SP8: variants seen among roughly 807,000 people sequenced by gnomAD.
SP8 encodes transcription factor Sp8.
Under a neutral mutation model 15.3 loss-of-function variants are expected in SP8, and 7 were observed. The observed-to-expected ratio is 0.46, with a 90% CI of 0.26 to 0.86. The LOEUF (loss-of-function observed/expected upper bound fraction) is 0.86. Among genes scored for constraint, SP8 ranks in the 40% least tolerant of loss-of-function variants. The pLI is 0.16. For synonymous variants in SP8, 415 were observed against 356.3 expected (o/e 1.16, Z -1.86); for missense variants, 731 against 736.4 (o/e 0.99, Z 0.09).
rs767022382 is a variant in SP8, at chr7:20,785,085, C to G, written c.732G>C (p.Ala244=). 2 of 1,583,386 alleles carry G rather than the reference C, an allele frequency of 1.3e-6. No homozygotes were observed. Among genetic ancestry groups the G allele is most frequent in the South Asian group, 1.1e-5 (1 of 88,844 alleles). The change falls in exon 2 of 2, where the codon GCG becomes GCC. Residue 244 remains alanine (A), a synonymous_variant. Coordinates refer to ENST00000418710, the MANE Select transcript of SP8 (RefSeq NM_182700.6). The surrounding 1 kb of genome is among the most constrained non-coding windows in gnomAD (Gnocchi z 7.2). ...GGTGCAGCGAGCCGGGCAGCGCAGC[C>G]GCGCTGTTCGGGTTCTGCACGTCGA... ...GWIDVQNPNS[A]AALPGSLHPA... is the part of the protein sequence containing the mutation.
Position 20,785,124 on chromosome 7 carries a change from C to A in SP8, c.693G>T (p.Val231=), listed in dbSNP as rs200267910. The change falls in exon 2 of 2, where the codon GTG becomes GTT. Residue 231 remains valine, a synonymous_variant. Transcript: ENST00000418710. This position sits in a 1 kb window ranked among gnomAD's most constrained non-coding sequence, Gnocchi z 7.2. ...TCTGCACGTCGATCCAGCCGGCCCC[C>A]ACGTCCCACCAGCTGGAGGCGCCGG... ...GSAGASSWWD[V]GAGWIDVQNP... 6.3e-7 allele frequency: 1 copy of A among 1,590,464 alleles called. No individual in the cohort carries two copies. The highest frequency in any genetic ancestry group is 8.5e-7 in the Non-Finnish European group (1 of 1,171,856).
rs373558430 is a variant in SP8, at chr7:20,785,803, G to A, written c.22-8C>T. On this transcript the variant is annotated splice_polypyrimidine_tract_variant and splice_region_variant and intron_variant, in intron 1 of 1. Coordinates refer to ENST00000418710, the MANE Select transcript of SP8 (RefSeq NM_182700.6). This position sits in a 1 kb window ranked among gnomAD's most constrained non-coding sequence, Gnocchi z 7.2. ...TCCCAACCTCGGTTCTTCCTGCGAGGAGGAGAGGAGAAGGAGTGGGGGAGG... is the reference window on the plus strand; with the variant it reads ...TCCCAACCTCGGTTCTTCCTGCGAGAAGGAGAGGAGAAGGAGTGGGGGAGG... The A allele has an allele frequency of 3.1e-5, 49 of 1,598,312 alleles. No individual in the cohort carries two copies. The highest frequency in any genetic ancestry group is 8.4e-5 in the Admixed American group (5 of 59,736).
chr7:20,785,091 G>T lies in SP8; in HGVS notation c.726C>A (p.Asn242Lys). ...GCGAGCCGGGCAGCGCAGCCGCGCT[G>T]TTCGGGTTCTGCACGTCGATCCAGC... ...GAGWIDVQNP[N>K]SAAALPGSLH... The change falls in exon 2 of 2, where the codon AAC becomes AAA. Residue 242 changes from asparagine (N) to lysine (K), a missense_variant. This residue lies in a region of SP8 where 586 missense variants were observed against 524.9 expected (regional missense o/e 1.12). Coordinates refer to ENST00000418710, the MANE Select transcript of SP8 (RefSeq NM_182700.6). The surrounding 1 kb of genome is among the most constrained non-coding windows in gnomAD (Gnocchi z 7.2). 1 of 1,584,976 alleles carries T rather than the reference G, an allele frequency of 6.3e-7. No individual in the cohort carries two copies. Among genetic ancestry groups the T allele is most frequent in the Non-Finnish European group, 8.5e-7 (1 of 1,171,210 alleles).
chr7:20,786,691 G>T lies in SP8; in HGVS notation c.21+87C>A. On this transcript the variant is annotated intron_variant, in intron 1 of 1. Coordinates refer to ENST00000418710, the MANE Select transcript of SP8 (RefSeq NM_182700.6). The surrounding 1 kb of genome is among the most constrained non-coding windows in gnomAD (Gnocchi z 4.4). The stretch of plus-strand genomic sequence containing the variant: ...CTCTCAATAGAGAGACTGATAGCCC[G>T]TGGCCTGGCCGGGGCGACTTTAACC... The T allele has an allele frequency of 2.7e-6, 3 of 1,093,480 alleles. No homozygotes were observed. Among genetic ancestry groups the T allele is most frequent in the South Asian group, 2.5e-5 (2 of 80,686 alleles). The allele number at this position is 1,093,480 out of a possible 1,614,324, so 67.7% of individuals were successfully genotyped here. A position where few individuals can be genotyped will look rare whatever the true frequency, so the allele number is the denominator to read the frequency against.
Position 20,785,808 on chromosome 7 carries a change from G to T in SP8, c.22-13C>A. 1 of 1,592,146 alleles carries T rather than the reference G, an allele frequency of 6.3e-7. No individual in the cohort carries two copies. The highest frequency in any genetic ancestry group is 8.6e-7 in the Non-Finnish European group (1 of 1,162,966). On this transcript the variant is annotated splice_polypyrimidine_tract_variant and intron_variant, in intron 1 of 1. Coordinates refer to ENST00000418710, the MANE Select transcript of SP8 (RefSeq NM_182700.6). This position sits in a 1 kb window ranked among gnomAD's most constrained non-coding sequence, Gnocchi z 7.2. ...ACCTCGGTTCTTCCTGCGAGGAGGA[G>T]AGGAGAAGGAGTGGGGGAGGGGAGG...
Position 20,785,633 on chromosome 7 carries a change from A to T in SP8, c.184T>A (p.Cys62Ser). Residue 62 changes from cysteine (C) to serine (S), a missense_variant, in exon 2 of 2, where the codon TGC (cysteine) becomes AGC (serine). By Grantham distance (112) the Cys-to-Ser change is moderately radical (BLOSUM62 -1). This residue lies in a region of SP8 where 586 missense variants were observed against 524.9 expected (regional missense o/e 1.12). Transcript: ENST00000418710. The surrounding 1 kb of genome is among the most constrained non-coding windows in gnomAD (Gnocchi z 7.2). ...GAGAGACTGGAACCCACTACGTTGC[A>T]GCTGGCGGAAGAAGAGGACGAGGAG... ...KRSSSSSSAS[C>S]NVVGSSLSSF... 1.2e-6 allele frequency: 2 copies of T among 1,611,382 alleles called. No homozygotes were observed.
In SP8 at chr7:20,785,559, C is replaced by T. The variant is rs766562976; in HGVS notation, c.258G>A (p.Ala86=). ...CGGCTGCTGCCGCGGCCGCCGCAGCCGCCGAGGACGAGCCGCCGTTCCTGG... is the reference window on the plus strand; with the variant it reads ...CGGCTGCTGCCGCGGCCGCCGCAGCTGCCGAGGACGAGCCGCCGTTCCTGG... ...GASRNGGSSS[A]AAAAAAAAAA... The change falls in exon 2 of 2, where the codon GCG becomes GCA. Residue 86 remains alanine, a synonymous_variant. Transcript: ENST00000418710. This position sits in a 1 kb window ranked among gnomAD's most constrained non-coding sequence, Gnocchi z 7.2. 9 of 1,572,734 alleles carry T rather than the reference C, an allele frequency of 5.7e-6. No individual in the cohort carries two copies. The East Asian group carries it at 1.9e-4, about 33-fold the overall frequency.
rs1182673881 is a variant in SP8 at position 20,786,308 on chromosome 7, A to C, written c.21+470T>G. Among the ~76,000 whole-genome samples, 1 of 151,894 alleles carries C rather than the reference A, an allele frequency of 6.6e-6. No homozygotes were observed. The highest frequency in any genetic ancestry group is 1.5e-5 in the Non-Finnish European group (1 of 67,956). ...CAAAAGAAATCAAACTGTAGGGCTC[A>C]CTCTTTCTTCCTGCTTTTCTTTCTT... On this transcript the variant is annotated intron_variant, in intron 1 of 1. Transcript: ENST00000418710. The surrounding 1 kb of genome is among the most constrained non-coding windows in gnomAD (Gnocchi z 4.4).
Position 20,785,503 on chromosome 7 carries a change from A to G in SP8, c.314T>C (p.Phe105Ser). 1 of 1,447,010 alleles carries G rather than the reference A, an allele frequency of 6.9e-7. No individual in the cohort carries two copies. Among genetic ancestry groups the G allele is most frequent in the Non-Finnish European group, 9.0e-7 (1 of 1,110,446 alleles). 89.6% of individuals were successfully genotyped at this position (1,447,010 alleles called of 1,614,324 possible). ...AAAAALVSDS[F>S]SCGGSPGSSA... ...GGAGCCAGGCGAGCCGCCGCAGCTG[A>G]ACGAGTCGGACACCAGGGCCGCGGC... The change falls in exon 2 of 2, where the codon TTC becomes TCC. Residue 105 changes from phenylalanine to serine, a missense_variant. Transcript: ENST00000418710. This position sits in a 1 kb window ranked among gnomAD's most constrained non-coding sequence, Gnocchi z 7.2.
rs765347288 is a variant in SP8 at position 20,785,576 on chromosome 7, C to A, written c.241G>T (p.Gly81Cys). The stretch of plus-strand genomic sequence containing the variant: ...GCCGCAGCCGCCGAGGACGAGCCGC[C>A]GTTCCTGGAGGCCCCGGACACGCCG... ...SFGVSGASRNGGSSSAAAAAA... is the reference protein window; with the variant it reads ...SFGVSGASRNCGSSSAAAAAA... The change falls in exon 2 of 2, where the codon GGC (glycine) becomes TGC (cysteine). Residue 81 changes from glycine to cysteine, a missense_variant. Coordinates refer to ENST00000418710, the MANE Select transcript of SP8 (RefSeq NM_182700.6). The surrounding 1 kb of genome is among the most constrained non-coding windows in gnomAD (Gnocchi z 7.2). The A allele has an allele frequency of 5.6e-6, 9 of 1,603,414 alleles. No individual in the cohort carries two copies. Among genetic ancestry groups the A allele is most frequent in the Middle Eastern group, 1.8e-4 (1 of 5,512 alleles).
In SP8 at chr7:20,784,859, C is replaced by T; in HGVS notation, c.958G>A (p.Ala320Thr). 6.6e-7 allele frequency: 1 copy of T among 1,525,394 alleles called. No individual in the cohort carries two copies. The allele number at this position is 1,525,394 out of a possible 1,614,324, so 94.5% of individuals were successfully genotyped here. ...PDSAPSPLAG[A>T]GGSMLSAGPS... ...CCAGCGCTCAACATGGAGCCCCCCG[C>T]GCCGGCCAGCGGCGACGGGGCCGAG... is the stretch of plus-strand genomic sequence containing the variant. The change falls in exon 2 of 2, where the codon GCG (alanine) becomes ACG (threonine). Residue 320 changes from alanine to threonine, a missense_variant. Ala to Thr is a moderately conservative substitution (Grantham distance 58). Transcript: ENST00000418710.
rs750667187 is a variant in SP8 at position 20,785,245 on chromosome 7, T to G, written c.572A>C (p.Gln191Pro). The G allele has an allele frequency of 7.4e-5, 118 of 1,597,190 alleles. No homozygotes were observed. Among genetic ancestry groups the G allele is most frequent in the Middle Eastern group, 3.3e-4 (2 of 5,996 alleles). The change falls in exon 2 of 2, where the codon CAG becomes CCG. Residue 191 changes from glutamine (Q) to proline (P), a missense_variant. Transcript: ENST00000418710. The surrounding 1 kb of genome is among the most constrained non-coding windows in gnomAD (Gnocchi z 7.2). ...CATGCCCACCCGCGGGTAGATGCCC[T>G]GCAGCCCGTCCACAGAGGTGTGCAC... ...SKVHTSVDGLQGIYPRVGMAH... is the reference protein window; with the variant it reads ...SKVHTSVDGLPGIYPRVGMAH...
Position 20,783,843 on chromosome 7 carries a change from GCTCA to G in SP8, c.*443_*446del, listed in dbSNP as rs1783571938. 1 of 11,014 alleles carries G rather than the reference GCTCA, an allele frequency of 9.1e-5. No homozygotes were observed. Among genetic ancestry groups the G allele is most frequent in the African/African-American group, 3.1e-3 (1 of 322 alleles). 0.7% of individuals were successfully genotyped at this position (11,014 alleles called of 1,614,324 possible). On this transcript the variant is annotated 3_prime_UTR_variant, in exon 2 of 2. Coordinates refer to ENST00000418710, the MANE Select transcript of SP8 (RefSeq NM_182700.6). ...CCAGCCTCTCCCTCTCCACCGCTCC[GCTCA>G]GGCTTGTCAGCCGAGCCGCTCCTGC...
In SP8 at chr7:20,784,575, G is replaced by A; in HGVS notation, c.1242C>T (p.Arg414=). ...FVCNWLFCGK[R]FTRSDELQRH... is the part of the protein sequence containing the mutation. ...GCTGCAGCTCGTCGGAGCGCGTGAA[G>A]CGCTTGCCGCAGAAAAGCCAGTTGC... Residue 414 remains arginine (R), a synonymous_variant, in exon 2 of 2, where the codon CGC becomes CGT. Coordinates refer to ENST00000418710, the MANE Select transcript of SP8 (RefSeq NM_182700.6). 1 of 1,603,756 alleles carries A rather than the reference G, an allele frequency of 6.2e-7. No homozygotes were observed. Among genetic ancestry groups the A allele is most frequent in the Non-Finnish European group, 8.5e-7 (1 of 1,176,430 alleles).
chr7:20,785,336 C>A lies in SP8; in HGVS notation c.481G>T (p.Gly161Cys), dbSNP rs1583485112. 2 of 1,295,972 alleles carry A rather than the reference C, an allele frequency of 1.5e-6. No homozygotes were observed. The highest frequency in any genetic ancestry group is 2.0e-6 in the Non-Finnish European group (2 of 975,678). The allele number at this position is 1,295,972 out of a possible 1,614,324, so 80.3% of individuals were successfully genotyped here. A position where few individuals can be genotyped will look rare whatever the true frequency, so the allele number is the denominator to read the frequency against. Residue 161 changes from glycine to cysteine, a missense_variant, in exon 2 of 2, where the codon GGC becomes TGC. Around this residue, in one of 3 missense-constraint regions of SP8, gnomAD observed 586 missense variants for 524.9 expected, o/e 1.12. Coordinates refer to ENST00000418710, the MANE Select transcript of SP8 (RefSeq NM_182700.6). This position sits in a 1 kb window ranked among gnomAD's most constrained non-coding sequence, Gnocchi z 7.2. ...TGCGCGGAGGAGCCGCCGCCGCCGC[C>A]CCCGCCGCCGCCGCCGCTGCCCCCG... Reference protein sequence around the residue: ...VSGGSGGGGGGGGGGSSAHSQ... With the variant: ...VSGGSGGGGGCGGGGSSAHSQ...
Position 20,783,157 on chromosome 7 carries a change from C to A in SP8, c.*1133G>T, listed in dbSNP as rs1046938743. ...TCACACACAAAAAAGTTTAACCCTA[C>A]GATCTTCATGAATTGAGAGAATTTA... On this transcript the variant is annotated 3_prime_UTR_variant, in exon 2 of 2. Coordinates refer to ENST00000418710, the MANE Select transcript of SP8 (RefSeq NM_182700.6). 0.014 allele frequency: 8 copies of A among 576 alleles called. No individual in the cohort carries two copies. The highest frequency in any genetic ancestry group is 0.1 in the Non-Finnish European group (7 of 70). The allele number at this position is 576 out of a possible 1,614,324, so 0.0% of individuals were successfully genotyped here. A position where few individuals can be genotyped will look rare whatever the true frequency, so the allele number is the denominator to read the frequency against.
chr7:20,785,412 G>A lies in SP8; in HGVS notation c.405C>T (p.Ser135=). The change falls in exon 2 of 2, where the codon TCC becomes TCT. Residue 135 remains serine (S), a synonymous_variant. Coordinates refer to ENST00000418710, the MANE Select transcript of SP8 (RefSeq NM_182700.6). This position sits in a 1 kb window ranked among gnomAD's most constrained non-coding sequence, Gnocchi z 7.2. ...AGTAGTCGTTGGCGAAGGGCGAGCT[G>A]GAGGCGGCGGCTGCGGCGGCGGCGG... ...AAAAAAAAAA[S]SSPFANDYSV... 1 of 1,239,226 alleles carries A rather than the reference G, an allele frequency of 8.1e-7. No homozygotes were observed. The highest frequency in any genetic ancestry group is 2.1e-5 in the South Asian group (1 of 48,170). 76.8% of individuals were successfully genotyped at this position (1,239,226 alleles called of 1,614,324 possible). A position where few individuals can be genotyped will look rare whatever the true frequency, so the allele number is the denominator to read the frequency against.
Position 20,785,926 on chromosome 7 carries a change from C to G in SP8, c.22-131G>C. 6.9e-7 allele frequency: 1 copy of G among 1,457,822 alleles called. No homozygotes were observed. The highest frequency in any genetic ancestry group is 9.1e-7 in the Non-Finnish European group (1 of 1,098,834). 90.3% of individuals were successfully genotyped at this position (1,457,822 alleles called of 1,614,324 possible). The stretch of plus-strand genomic sequence containing the variant: ...CCCCACTGCACCCCATCTCTCGCTG[C>G]GGCGCGCCGCCACCAACTCACCTGG... On this transcript the variant is annotated intron_variant, in intron 1 of 1. Coordinates refer to ENST00000418710, the MANE Select transcript of SP8 (RefSeq NM_182700.6). The surrounding 1 kb of genome is among the most constrained non-coding windows in gnomAD (Gnocchi z 7.2).
At position 20,785,066 on chromosome 7, in the gene SP8, G is replaced by A. The variant is rs377498068; in HGVS notation, c.751C>T (p.Leu251=). 1.5e-5 allele frequency: 23 copies of A among 1,579,622 alleles called. No individual in the cohort carries two copies. In the African/African-American group the frequency reaches 2.9e-4, roughly 20 times the overall value. ...PNSAAALPGS[L]HPAAGGLQTS... ...TGGAGCCCCCCGGCGGCAGGGTGCA[G>A]CGAGCCGGGCAGCGCAGCCGCGCTG... The change falls in exon 2 of 2, where the codon CTG becomes TTG. Residue 251 remains leucine (L), a synonymous_variant. Coordinates refer to ENST00000418710, the MANE Select transcript of SP8 (RefSeq NM_182700.6). This position sits in a 1 kb window ranked among gnomAD's most constrained non-coding sequence, Gnocchi z 7.2.
Sources: gnomAD v4.1 joint callset for allele counts (sites outside exome capture counted in the v4.1 genomes callset) on GRCh38, gnomAD v4.1.1 for gene constraint, gnomAD v4.1.1 regional missense constraint, Gnocchi (gnomAD v3.1) non-coding constraint, MANE v1.5 for transcripts, NCBI Gene and HGNC (gene_info 2026-07-23, HGNC 2026-07-21) for gene names.